The following BANP variants were observed in gnomAD, a reference collection of about 807,000 sequenced individuals.
BANP encodes BTG3 associated nuclear protein.
Under a neutral mutation model 68.1 loss-of-function variants are expected in BANP, and 11 were observed. The ratio of observed to expected loss-of-function variants is 0.16; its 90% CI spans 0.10 to 0.27. BANP has a LOEUF of 0.27. Ranked by LOEUF, BANP falls within the 10% of genes least tolerant of loss-of-function variation. BANP has a pLI of 1.00. For synonymous variants in BANP, 329 were observed against 303.2 expected (o/e 1.09, Z -0.88); for missense variants, 504 against 722.7 (o/e 0.70, Z 3.47).
intron 1 of BANP, among the ~76,000 whole-genome samples, chr16:87,958,888 G>T (rs2058598130): frequency 6.6e-6 from 1 of 152,364 alleles, no homozygotes; most frequent in South Asian, 2.1e-4. Flanking sequence ...TTGCAGAGGG[G>T]AAGGCCCAGA....
intron 2 of BANP, chr16:87,978,733 A>G (rs535985227): frequency 5.2e-5 from 24 of 457,314 alleles, no homozygotes; most frequent in South Asian, 2.5e-4. Context: ...CCAGTGTGTG[A>G]CCAGTGTGTC....
chr16:88,018,848 T>G lies in BANP; in HGVS notation c.895+181T>G, dbSNP rs1356625958. Among the ~76,000 whole-genome samples, 1 of 152,200 alleles carries G rather than the reference T, an allele frequency of 6.6e-6. No individual in the cohort carries two copies. Among genetic ancestry groups the G allele is most frequent in the Non-Finnish European group, 1.5e-5 (1 of 68,036 alleles). The stretch of plus-strand genomic sequence containing the variant: ...GATGGATGAGCTGTTGACCCTGATG[T>G]GCTTATTACGCACGGCATGCCCGCA... On this transcript the variant is annotated intron_variant, in intron 7 of 13. Coordinates refer to ENST00000682872, the MANE Select transcript of BANP (RefSeq NM_001386991.1). This position sits in a 1 kb window ranked among gnomAD's most constrained non-coding sequence, Gnocchi z 7.7.
At position 88,004,518 on chromosome 16, in the gene BANP, C is replaced by G. The variant is rs2070387031; in HGVS notation, c.479+107C>G. 1.5e-6 allele frequency: 1 copy of G among 668,444 alleles called. No homozygotes were observed. Among genetic ancestry groups the G allele is most frequent in the Non-Finnish European group, 2.5e-6 (1 of 400,092 alleles). The allele number at this position is 668,444 out of a possible 1,614,324, so 41.4% of individuals were successfully genotyped here. A position where few individuals can be genotyped will look rare whatever the true frequency, so the allele number is the denominator to read the frequency against. On this transcript the variant is annotated intron_variant, in intron 5 of 13. Coordinates refer to ENST00000682872, the MANE Select transcript of BANP (RefSeq NM_001386991.1). The surrounding 1 kb of genome is among the most constrained non-coding windows in gnomAD (Gnocchi z 7.0). The stretch of plus-strand genomic sequence containing the variant: ...GCACAGTCCAGCACACGCTTCATCT[C>G]TGTGGTCACAGGGTTGAGCCTGGCA...
chr16:87,953,928 A>C (rs1463687497), intron 1 of BANP, among the ~76,000 whole-genome samples: 3 of 152,128 alleles, frequency 2.0e-5, no homozygotes. Context: ...CTCCTTGTGG[A>C]GACCCCTCTC....
rs1207691723 is a variant in BANP at position 88,072,216 on chromosome 16, A to G, written c.1521+4A>G. On this transcript the variant is annotated splice_donor_region_variant and intron_variant, in intron 13 of 13. Coordinates refer to ENST00000682872, the MANE Select transcript of BANP (RefSeq NM_001386991.1). ...TGACCACACGGCCGGGGCACAGGTG[A>G]GTCTGGGGCCCCGCGCCGGGACACT... 6.2e-7 allele frequency: 1 copy of G among 1,605,798 alleles called. No homozygotes were observed. The highest frequency in any genetic ancestry group is 8.5e-7 in the Non-Finnish European group (1 of 1,177,186).
intron 11 of BANP, among the ~76,000 whole-genome samples, chr16:88,038,449 G>T (rs1397347300): frequency 1.3e-5 from 2 of 152,180 alleles, no homozygotes; most frequent in Admixed American, 1.3e-4. Flanking sequence ...TTTGCGCTAT[G>T]GCGGAAACGT....
intron 13 of BANP, among the ~76,000 whole-genome samples, chr16:88,075,538 A>G (rs1445993571): frequency 2.6e-5 from 4 of 152,202 alleles, no homozygotes; most frequent in African/African-American, 9.6e-5. Flanking sequence ...TAACTAGAGT[A>G]GAAGTTGCCA....
chr16:88,038,036 A>C lies in BANP; in HGVS notation c.1311+25A>C, dbSNP rs762591107. 8 of 1,575,378 alleles carry C rather than the reference A, an allele frequency of 5.1e-6. No homozygotes were observed. In the Admixed American group the frequency reaches 1.0e-4, roughly 20 times the overall value. ...GGTGAGTGTCCCAGTCCCCATGCAC[A>C]TGCGGGCGTTGCGCTGCCGAGGGAT... On this transcript the variant is annotated intron_variant, in intron 11 of 13. Coordinates refer to ENST00000682872, the MANE Select transcript of BANP (RefSeq NM_001386991.1).
At chr16:87,960,479 T>C (rs914346810) in intron 1 of BANP, among the ~76,000 whole-genome samples, 2 of 152,218 alleles carry the variant, frequency 1.3e-5, no homozygotes, top group Non-Finnish European at 2.9e-5. Flanking sequence ...AAAGACATAC[T>C]TATTTGCAAA....
Position 88,071,669 on chromosome 16 carries a change from A to C in BANP, c.1378-400A>C. 1 of 475,242 alleles carries C rather than the reference A, an allele frequency of 2.1e-6. No individual in the cohort carries two copies. The highest frequency in any genetic ancestry group is 4.2e-6 in the Non-Finnish European group (1 of 239,806). 29.4% of individuals were successfully genotyped at this position (475,242 alleles called of 1,614,324 possible). A position where few individuals can be genotyped will look rare whatever the true frequency, so the allele number is the denominator to read the frequency against. On this transcript the variant is annotated intron_variant, in intron 12 of 13. Coordinates refer to ENST00000682872, the MANE Select transcript of BANP (RefSeq NM_001386991.1). This position sits in a 1 kb window ranked among gnomAD's most constrained non-coding sequence, Gnocchi z 6.5. ...CCTCACGCTCACGGTCCTGGCTTGG[A>C]TTTTAGGCCTCAGTGGCACTCTGGG...
chr16:88,025,762 C>T (rs1028472299), intron 7 of BANP, among the ~76,000 whole-genome samples: 1 of 152,190 alleles, frequency 6.6e-6, no homozygotes. Context: ...CCATTTTAGT[C>T]TCAATGGGAA....
intron 1 of BANP, among the ~76,000 whole-genome samples, chr16:87,971,258 C>T (rs187282217): frequency 1.3e-5 from 2 of 152,206 alleles, no homozygotes; most frequent in East Asian, 3.9e-4. Flanking sequence ...AGCACATAGC[C>T]TTCATCTCCT....
chr16:87,955,220 C>T (rs59671816), intron 1 of BANP, among the ~76,000 whole-genome samples: 2,510 of 152,188 alleles, frequency 0.016, 59 homozygotes, highest in African/African-American at 0.055. Context: ...GTGTGTAGTG[C>T]GGTGGGCTCT....
At chr16:87,966,057 A>G (rs4843286) in intron 1 of BANP, among the ~76,000 whole-genome samples, 96,993 of 151,992 alleles carry the variant, frequency 0.64, 31,330 homozygotes, top group African/African-American at 0.68. Context: ...TTGGGATCAT[A>G]TCATCCGCAC....
chr16:88,020,508 G>A (rs551297164), intron 7 of BANP, among the ~76,000 whole-genome samples: 10 of 152,390 alleles, frequency 6.6e-5, no homozygotes, highest in East Asian at 3.9e-4. Context: ...ATGGCAGAGC[G>A]TGCGGTCAGG....
At chr16:88,046,157 G>A (rs575526547) in intron 11 of BANP, among the ~76,000 whole-genome samples, 8 of 152,360 alleles carry the variant, frequency 5.3e-5, no homozygotes, top group Admixed American at 2.0e-4. Flanking sequence ...TTTGAGTGAC[G>A]TCACTGGACT....
intron 11 of BANP, among the ~76,000 whole-genome samples, chr16:88,041,842 C>T (rs1403243136): frequency 6.6e-6 from 1 of 152,216 alleles, no homozygotes; most frequent in East Asian, 1.9e-4. Context: ...TGAGCCTGCA[C>T]TAAGGAATGC....
intron 8 of BANP, 33 bp downstream of exon 8, chr16:88,027,683 C>T (rs1372212763): frequency 1.6e-5 from 26 of 1,610,494 alleles, no homozygotes; most frequent in Non-Finnish European, 1.9e-5. Context: ...GGCCGCCCTC[C>T]CCCGCTCGGG....
intron 4 of BANP, among the ~76,000 whole-genome samples, chr16:87,987,395 T>C (rs1192206079): frequency 6.6e-6 from 1 of 152,066 alleles, no homozygotes; most frequent in Non-Finnish European, 1.5e-5. Flanking sequence ...TTTCCTTTCA[T>C]AGTAAAGTTT....
Sources: allele counts gnomAD v4.1 joint callset (sites outside exome capture counted in the v4.1 genomes callset), GRCh38; gene constraint gnomAD v4.1.1; non-coding constraint Gnocchi (gnomAD v3.1); transcripts MANE v1.5; gene names NCBI Gene and HGNC (gene_info 2026-07-23, HGNC 2026-07-21).